The following INTS6L variants were observed in gnomAD, a reference collection of about 807,000 sequenced individuals.
The protein encoded by INTS6L is integrator complex subunit 6-like.
Under a neutral mutation model 64.7 loss-of-function variants are expected in INTS6L, and 18 were observed. The observed-to-expected ratio is 0.28, with a 90% confidence interval of 0.19 to 0.41. The LOEUF (loss-of-function observed/expected upper bound fraction) is 0.41, where lower values mean the gene tolerates loss of function less well. INTS6L is among the 10% of genes least tolerant of loss of function. INTS6L has a pLI of 1.00. For synonymous variants in INTS6L, 227 were observed against 235.9 expected (o/e 0.96, Z 0.34); for missense variants, 533 against 661.0 (o/e 0.81, Z 2.12).
At chrX:135,553,598 A>G (rs1436198653) in intron 8 of INTS6L, among the ~76,000 whole-genome samples, 2 of 106,831 alleles carry the variant, frequency 1.9e-5, no homozygotes, top group African/African-American at 6.9e-5. Context: ...TGCCGGGATG[A>G]TGGCATCAAC....
intron 16 of INTS6L, 80 bp downstream of exon 16, chrX:135,580,242 C>G: frequency 1.8e-6 from 2 of 1,084,276 alleles, no homozygotes; most frequent in Non-Finnish European, 2.4e-6. Context: ...TTCAAGCTAT[C>G]CCTTGAGGTA....
At chrX:135,531,337 G>A (rs782231291) in intron 2 of INTS6L, among the ~76,000 whole-genome samples, 2 of 111,535 alleles carry the variant, frequency 1.8e-5, no homozygotes, top group African/African-American at 6.5e-5. Flanking sequence ...CAAATATTCC[G>A]ACACACACTG....
intron 9 of INTS6L, among the ~76,000 whole-genome samples, chrX:135,563,671 C>CTATATATA (rs1569512847): frequency 2.3e-3 from 12 of 5,268 alleles, no homozygotes; most frequent in African/African-American, 4.5e-3. Context: ...ATATATATAG[C>CTATATATA]TATATATATA....
chrX:135,574,553 T>A (rs951666068), intron 13 of INTS6L, among the ~76,000 whole-genome samples: 32 of 112,125 alleles, frequency 2.9e-4, no homozygotes, highest in Non-Finnish European at 1.1e-4. Context: ...TATTTACAAA[T>A]TCCATTTACT....
Position 135,536,676 on chromosome X carries a change from A to G in INTS6L, c.190-8747A>G, listed in dbSNP as rs891254431. ...GGCTTCTCTATTTAAAAAAAATAAA[A>G]ATCAATGAAAATTAATGAATCGGAG... On this transcript the variant is annotated intron_variant, in intron 2 of 17. Transcript: ENST00000639893. Among the ~76,000 whole-genome samples, 5 of 111,470 alleles carry G rather than the reference A, an allele frequency of 4.5e-5. No individual in the cohort carries two copies. In the East Asian group the frequency reaches 1.4e-3, roughly 31 times the overall value.
At chrX:135,558,787 CTT>C (rs1164910175) in intron 9 of INTS6L, among the ~76,000 whole-genome samples, 18 of 94,633 alleles carry the variant, frequency 1.9e-4, no homozygotes, top group Admixed American at 1.1e-4. Context: ...TTTCTTTTTT[CTT>C]TTTTTTTTTT....
At chrX:135,531,492 T>G (rs2085908828) in intron 2 of INTS6L, among the ~76,000 whole-genome samples, 1 of 112,161 alleles carries the variant, frequency 8.9e-6, no homozygotes, top group African/African-American at 3.2e-5. Flanking sequence ...TCTTTTTGCC[T>G]TCCATCTTCT....
chrX:135,569,329 T>C lies in INTS6L; in HGVS notation c.1193-8T>C, dbSNP rs1556526388. On this transcript the variant is annotated splice_polypyrimidine_tract_variant and splice_region_variant and intron_variant, in intron 9 of 17. Transcript: ENST00000639893. The stretch of plus-strand genomic sequence containing the variant: ...AGAATGATGTAATATTTTATTTTTC[T>C]ATTACAGATGACTTGTTTAAAGTTC... 2 of 1,149,962 alleles carry C rather than the reference T, an allele frequency of 1.7e-6. No homozygotes were observed. Among genetic ancestry groups the C allele is most frequent in the Non-Finnish European group, 1.2e-6 (1 of 858,095 alleles). 94.8% of individuals were successfully genotyped at this position (1,149,962 alleles called of 1,213,427 possible). A position where few individuals can be genotyped will look rare whatever the true frequency, so the allele number is the denominator to read the frequency against.
intron 13 of INTS6L, among the ~76,000 whole-genome samples, 157 bp downstream of exon 13, chrX:135,574,219 A>AT (rs376640811): frequency 4.4e-4 from 47 of 105,860 alleles, no homozygotes; most frequent in African/African-American, 1.1e-3. Context: ...TACCAGGCAC[A>AT]TTTTTTTTTT....
intron 9 of INTS6L, among the ~76,000 whole-genome samples, chrX:135,560,704 C>A (rs958327157): frequency 1.4e-4 from 15 of 109,537 alleles, no homozygotes; most frequent in African/African-American, 5.0e-4. Context: ...ATTAGCTGGG[C>A]GTGGTGGCAC....
At chrX:135,526,032 G>A (rs1427056786) in intron 2 of INTS6L, among the ~76,000 whole-genome samples, 1 of 112,038 alleles carries the variant, frequency 8.9e-6, no homozygotes, top group Non-Finnish European at 1.9e-5. Flanking sequence ...TTCAGACTAA[G>A]GACCAGCTGT....
chrX:135,547,516 C>T (rs1556515549), intron 6 of INTS6L, among the ~76,000 whole-genome samples: 1 of 111,842 alleles, frequency 8.9e-6, no homozygotes, highest in Non-Finnish European at 1.9e-5. Flanking sequence ...ATTCCCTGGT[C>T]CCAGTCTTTG....
intron 8 of INTS6L, among the ~76,000 whole-genome samples, chrX:135,554,518 C>G (rs2086589541): frequency 9.0e-6 from 1 of 111,534 alleles, no homozygotes; most frequent in Non-Finnish European, 1.9e-5. Flanking sequence ...CCAACTTATT[C>G]TTAGTGATAA....
At chrX:135,529,601 A>C (rs1556503497) in intron 2 of INTS6L, among the ~76,000 whole-genome samples, 1 of 112,070 alleles carries the variant, frequency 8.9e-6, no homozygotes. Context: ...GGATTTATAG[A>C]TATGCTGATG....
At chrX:135,569,598 A>T (rs1049023881) in intron 10 of INTS6L, 167 bp downstream of exon 10, 1 of 295,109 alleles carries the variant, frequency 3.4e-6, no homozygotes, top group East Asian at 5.3e-5. Context: ...GAGTTTGGAG[A>T]TGTCATGGCG....
chrX:135,574,181 C>A, intron 13 of INTS6L, 119 bp downstream of exon 13: 1 of 802,398 alleles, frequency 1.2e-6, no homozygotes, highest in Non-Finnish European at 1.7e-6. Context: ...TTTAAAATGC[C>A]TGTTTTCACT....
intron 2 of INTS6L, among the ~76,000 whole-genome samples, chrX:135,521,830 C>G (rs1269724965): frequency 3.7e-5 from 4 of 109,250 alleles, no homozygotes; most frequent in Middle Eastern, 4.7e-3. Context: ...TTCCCGGAGC[C>G]TGGGCTCCTC....
chrX:135,548,440 G>T (rs2086415787), intron 6 of INTS6L, among the ~76,000 whole-genome samples: 1 of 111,628 alleles, frequency 9.0e-6, no homozygotes, highest in Non-Finnish European at 1.9e-5. Flanking sequence ...GTGTAGGAAG[G>T]CCATGTTATA....
chrX:135,557,040 C>G (rs782756245), intron 9 of INTS6L, among the ~76,000 whole-genome samples: 2 of 111,911 alleles, frequency 1.8e-5, no homozygotes, highest in South Asian at 7.4e-4. Flanking sequence ...ATTGAATATA[C>G]TGAAATTGCA....
Sources: gnomAD v4.1 joint callset for allele counts (sites outside exome capture counted in the v4.1 genomes callset) on GRCh38, gnomAD v4.1.1 for gene constraint, MANE v1.5 for transcripts, NCBI Gene and HGNC (gene_info 2026-07-23, HGNC 2026-07-21) for gene names.